Variants in FBXO47 observed in about 807,000 individuals in gnomAD.
The protein encoded by FBXO47 is F-box protein 47.
FBXO47 carries 34 observed loss-of-function variants against 53.9 expected under a neutral mutation model. The ratio of observed to expected loss-of-function variants is 0.63; its 90% CI spans 0.48 to 0.84. The LOEUF (loss-of-function observed/expected upper bound fraction) is 0.84. Among genes scored for constraint, FBXO47 ranks in the 40% least tolerant of loss-of-function variants. The pLI is 0.00. For synonymous variants in FBXO47, 165 were observed against 181.6 expected (o/e 0.91, Z 0.73); for missense variants, 485 against 541.3 (o/e 0.90, Z 1.03).
chr17:38,945,526 T>C (rs73301105), intron 6 of FBXO47, among the ~76,000 whole-genome samples: 5,471 of 152,090 alleles, frequency 0.036, 286 homozygotes, highest in African/African-American at 0.11. Context: ...ATGGCAGGTG[T>C]GGTGACTCTT....
intron 2 of FBXO47, 23 bp from the exon 3 acceptor site, chr17:38,962,070 G>A (rs530955667): frequency 1.3e-6 from 2 of 1,588,980 alleles, no homozygotes; most frequent in South Asian, 1.1e-5. Flanking sequence ...ATATATATGT[G>A]TATGTATCAA....
chr17:38,957,263 TAA>T lies in FBXO47; in HGVS notation c.353-12_353-11del. 1.3e-6 allele frequency: 2 copies of T among 1,580,916 alleles called. No individual in the cohort carries two copies. Among genetic ancestry groups the T allele is most frequent in the Non-Finnish European group, 1.7e-6 (2 of 1,151,618 alleles). On this transcript the variant is annotated splice_polypyrimidine_tract_variant and intron_variant, in intron 3 of 10. Transcript: ENST00000378079. ...CTTTTAAACAGTAGACCTAAGAAAGTAAAGAGACATAAGAAAAAATGACAACA... is the reference window on the plus strand; with the variant it reads ...CTTTTAAACAGTAGACCTAAGAAAGTAGAGACATAAGAAAAAATGACAACA...
At position 38,962,061 on chromosome 17, in the gene FBXO47, T is replaced by C. The variant is rs755467692; in HGVS notation, c.182-14A>G. On this transcript the variant is annotated splice_polypyrimidine_tract_variant and intron_variant, in intron 2 of 10. Transcript: ENST00000378079. ...TGATATCCTTCACTACCAAAAGAAA[T>C]ATATATGTGTATGTATCAATGGCTT... 1 of 1,603,248 alleles carries C rather than the reference T, an allele frequency of 6.2e-7. No individual in the cohort carries two copies. The highest frequency in any genetic ancestry group is 8.5e-7 in the Non-Finnish European group (1 of 1,175,336).
In FBXO47 at chr17:38,963,030, C is replaced by T. The variant is rs759234264; in HGVS notation, c.-5G>A. 1.2e-5 allele frequency: 19 copies of T among 1,603,778 alleles called. No individual in the cohort carries two copies. In the South Asian group the frequency reaches 2.1e-4, roughly 18 times the overall value. On this transcript the variant is annotated 5_prime_UTR_variant, in exon 2 of 11. Transcript: ENST00000378079. The stretch of plus-strand genomic sequence containing the variant: ...TGTATTTATTCTGGATGCCATTCTT[C>T]TTCTTGTCTCACAAATTTATCCTGG...
At chr17:38,939,899 C>T (rs2143880974) in intron 9 of FBXO47, among the ~76,000 whole-genome samples, 1 of 151,060 alleles carries the variant, frequency 6.6e-6, no homozygotes, top group Admixed American at 6.6e-5. Context: ...AATCTCCTGA[C>T]CTCATGATCC....
At chr17:38,957,340 A>C in intron 3 of FBXO47, 87 bp from the exon 4 acceptor site, 1 of 932,058 alleles carries the variant, frequency 1.1e-6, no homozygotes, top group South Asian at 1.4e-5. Flanking sequence ...CCTGAAAGTC[A>C]AGTATGGTAT....
At chr17:38,944,853 T>TGTGTGTGTGTGTGTGTGTGTGG in intron 7 of FBXO47, 107 bp downstream of exon 7, 1 of 793,764 alleles carries the variant, frequency 1.3e-6, no homozygotes, top group Non-Finnish European at 2.0e-6. Context: ...CATGCATGTG[T>TGTGTGTGTGTGTGTGTGTGTGG]GTGTGTGTGT....
chr17:38,964,661 C>T (rs1315555775), intron 1 of FBXO47, among the ~76,000 whole-genome samples: 6 of 151,378 alleles, frequency 4.0e-5, no homozygotes, highest in African/African-American at 4.9e-5. Context: ...GACTTGGTCT[C>T]GAAAAACAAA....
chr17:38,940,026 G>A (rs1159988370), intron 9 of FBXO47, among the ~76,000 whole-genome samples: 1 of 151,888 alleles, frequency 6.6e-6, no homozygotes, highest in South Asian at 2.1e-4. Flanking sequence ...AATAAATAAT[G>A]CATATTATTA....
At chr17:38,956,844 T>C (rs1013315405) in intron 4 of FBXO47, among the ~76,000 whole-genome samples, 1 of 152,206 alleles carries the variant, frequency 6.6e-6, no homozygotes, top group African/African-American at 2.4e-5. Context: ...TCAGAAATTA[T>C]TTCACTTTAA....
chr17:38,938,685 C>T lies in FBXO47; in HGVS notation c.1131G>A (p.Met377Ile), dbSNP rs145585502. ...LYCMDWTVKM[M>I]QKVCKVFSTP... ...TGCTAAAGACTTTGCAGACTTTTTG[C>T]ATCATTTTAACTGTCCAATCCATGC... Residue 377 changes from methionine (M) to isoleucine (I), a missense_variant, in exon 10 of 11, where the codon ATG becomes ATA. Met to Ile is a conservative substitution (Grantham distance 10). Transcript: ENST00000378079. 3 of 1,613,432 alleles carry T rather than the reference C, an allele frequency of 1.9e-6. No individual in the cohort carries two copies. Among genetic ancestry groups the T allele is most frequent in the Non-Finnish European group, 2.5e-6 (3 of 1,179,548 alleles).
chr17:38,955,525 C>G (rs1299153659), intron 4 of FBXO47, among the ~76,000 whole-genome samples: 1 of 151,660 alleles, frequency 6.6e-6, no homozygotes, highest in Non-Finnish European at 1.5e-5. Context: ...CTCACTGAAG[C>G]CTCTGCCTCC....
At position 38,947,073 on chromosome 17, in the gene FBXO47, C is replaced by CATATATAAATATATGTAA. The variant is rs1567717692; in HGVS notation, c.617-1938_617-1937insTTACATATATTTATATAT. ...AAAAACATATATAAATATATATAAA[C>CATATATAAATATATGTAA]ATATATAAACATATATATAAACATA... On this transcript the variant is annotated intron_variant, in intron 6 of 10. Transcript: ENST00000378079. Among the ~76,000 whole-genome samples, 95 of 122,262 alleles carry CATATATAAATATATGTAA rather than the reference C, an allele frequency of 7.8e-4. 1 individual carries two copies. In the East Asian group the frequency reaches 0.016, roughly 20 times the overall value. The allele number at this position is 122,262 out of a possible 152,430, so 80.2% of individuals were successfully genotyped here.
At chr17:38,944,175 C>T (rs557486331) in intron 7 of FBXO47, among the ~76,000 whole-genome samples, 126 of 148,940 alleles carry the variant, frequency 8.5e-4, no homozygotes, top group African/African-American at 3.0e-3. Context: ...CAGCGAGACT[C>T]TGTCTCAAAA....
chr17:38,946,360 A>AT (rs1904830751), intron 6 of FBXO47, among the ~76,000 whole-genome samples: 1 of 94,218 alleles, frequency 1.1e-5, no homozygotes, highest in Non-Finnish European at 1.8e-5. Context: ...AAATATATAT[A>AT]AATATATAGA....
intron 3 of FBXO47, among the ~76,000 whole-genome samples, chr17:38,958,775 T>C (rs1235660522): frequency 6.6e-6 from 1 of 152,184 alleles, no homozygotes; most frequent in Non-Finnish European, 1.5e-5. Flanking sequence ...TAGAAGTTGC[T>C]ATGTTTGAGT....
chr17:38,943,006 T>C (rs1009945576), intron 8 of FBXO47, 86 bp from the exon 9 acceptor site: 2 of 1,170,460 alleles, frequency 1.7e-6, no homozygotes, highest in African/African-American at 3.1e-5. Flanking sequence ...ATATTTTATC[T>C]TTATTGGAAA....
intron 5 of FBXO47, among the ~76,000 whole-genome samples, chr17:38,952,197 G>A (rs550996483): frequency 2.0e-5 from 3 of 152,006 alleles, no homozygotes; most frequent in African/African-American, 4.8e-5. Flanking sequence ...TCGGTGGCAC[G>A]CACATGTAGT....
chr17:38,963,715 T>A (rs757130141), intron 1 of FBXO47, among the ~76,000 whole-genome samples: 3 of 152,128 alleles, frequency 2.0e-5, no homozygotes, highest in Non-Finnish European at 4.4e-5. Context: ...TTACCAATTA[T>A]GTGCTGTATA....
Sources: allele counts gnomAD v4.1 joint callset (sites outside exome capture counted in the v4.1 genomes callset), GRCh38; gene constraint gnomAD v4.1.1; transcripts MANE v1.5; gene names NCBI Gene and HGNC (gene_info 2026-07-23, HGNC 2026-07-21).